Variants in FBXL17 observed in about 807,000 individuals in gnomAD.
FBXL17 encodes F-box/LRR-repeat protein 17.
In FBXL17, 22 loss-of-function variants were observed where a neutral mutation model predicts 66.2. The ratio of observed to expected loss-of-function variants is 0.33; its 90% CI spans 0.24 to 0.47. FBXL17 has a LOEUF of 0.47. Among genes scored for constraint, FBXL17 ranks in the 20% least tolerant of loss-of-function variants. The pLI is 1.00. For synonymous variants in FBXL17, 474 were observed against 400.5 expected, an observed-to-expected ratio of 1.18 and a Z score of -2.19; for missense variants, 878 against 948.2, an observed-to-expected ratio of 0.93 and a Z score of 0.97.
In FBXL17 at chr5:108,198,186, T is replaced by C. The variant is rs574452883; in HGVS notation, c.1615-11939A>G. ...GGTTTACTGCATAGACCTAGAACAC[T>C]CTAAGTCACCTAGGAAGAAACTAAA... On this transcript the variant is annotated intron_variant, in intron 5 of 8. Coordinates refer to ENST00000542267, the MANE Select transcript of FBXL17 (RefSeq NM_001163315.3). Among the ~76,000 whole-genome samples the C allele has an allele frequency of 5.3e-5, 8 of 152,216 alleles. No homozygotes were observed. The South Asian group carries it at 1.0e-3, about 20-fold the overall frequency.
chr5:108,274,284 C>A (rs370831330), intron 4 of FBXL17, among the ~76,000 whole-genome samples: 1 of 151,996 alleles, frequency 6.6e-6, no homozygotes, highest in South Asian at 2.1e-4. Context: ...CGACCACGCC[C>A]GGGGGGGCCA....
At chr5:108,164,370 G>A (rs1752331499) in intron 6 of FBXL17, among the ~76,000 whole-genome samples, 1 of 152,144 alleles carries the variant, frequency 6.6e-6, no homozygotes, top group Non-Finnish European at 1.5e-5. Context: ...CCTATTTCAT[G>A]AATATATCAC....
At chr5:108,279,759 C>T (rs1440161715) in intron 4 of FBXL17, among the ~76,000 whole-genome samples, 3 of 151,014 alleles carry the variant, frequency 2.0e-5, no homozygotes, top group Non-Finnish European at 3.0e-5. Context: ...AATTTACCAA[C>T]GAGATAAATA....
intron 6 of FBXL17, among the ~76,000 whole-genome samples, chr5:108,043,769 A>G (rs748939535): frequency 1.3e-5 from 2 of 152,192 alleles, no homozygotes; most frequent in Non-Finnish European, 2.9e-5. Flanking sequence ...AGATTTTGAT[A>G]GAAATTGCAT....
rs139734162 is a variant in FBXL17 at position 107,926,167 on chromosome 5, A to G, written c.1823-44988T>C. 2.0e-3 allele frequency among the ~76,000 whole-genome samples: 312 copies of G among 152,294 alleles called. 1 individual carries two copies. The highest frequency in any genetic ancestry group is 6.9e-3 in the African/African-American group (285 of 41,572). On this transcript the variant is annotated intron_variant, in intron 7 of 8. Transcript: ENST00000542267. ...CCTAAACATATCAGGCACTCACTAAATATGTTGCATAAATCCAATTTTACA... is the reference window on the plus strand; with the variant it reads ...CCTAAACATATCAGGCACTCACTAAGTATGTTGCATAAATCCAATTTTACA...
chr5:108,249,588 A>G (rs1756256810), intron 4 of FBXL17, among the ~76,000 whole-genome samples: 1 of 152,116 alleles, frequency 6.6e-6, no homozygotes, highest in African/African-American at 2.4e-5. Context: ...AAGGCCATAC[A>G]CTTGTATAAG....
At chr5:108,236,128 T>C (rs1480216617) in intron 4 of FBXL17, among the ~76,000 whole-genome samples, 1 of 152,162 alleles carries the variant, frequency 6.6e-6, no homozygotes, top group Non-Finnish European at 1.5e-5. Context: ...GTAGAATCAC[T>C]TGAGCCCAGA....
At chr5:107,982,116 G>T (rs1330955281) in intron 7 of FBXL17, among the ~76,000 whole-genome samples, 1 of 152,064 alleles carries the variant, frequency 6.6e-6, no homozygotes, top group Non-Finnish European at 1.5e-5. Context: ...TAAAAAAGAG[G>T]CAAAGATGAA....
intron 6 of FBXL17, among the ~76,000 whole-genome samples, chr5:108,108,225 C>A (rs1451117110): frequency 6.6e-6 from 1 of 152,188 alleles, no homozygotes; most frequent in Non-Finnish European, 1.5e-5. Flanking sequence ...ACTTTTCTTA[C>A]CAACTATGTG....
intron 6 of FBXL17, among the ~76,000 whole-genome samples, chr5:108,108,786 G>T (rs158181): frequency 0.66 from 94,648 of 144,048 alleles, 31,867 homozygotes; most frequent in East Asian, 0.92. Flanking sequence ...CTTTGTTTTT[G>T]TTTTTTTTTT....
intron 7 of FBXL17, among the ~76,000 whole-genome samples, chr5:107,910,089 G>A: frequency 6.7e-6 from 1 of 149,304 alleles, no homozygotes; most frequent in East Asian, 2.0e-4. Context: ...AGAATCTCCA[G>A]TGTCATTTGC....
rs941574680 is a variant in FBXL17 at position 108,228,511 on chromosome 5, A to T, written c.1507-4283T>A. ...TTTGTTCATTCTATAATATGGAGAA[A>T]ATTACAGTACCTACCCCACAGGGTA... On this transcript the variant is annotated intron_variant, in intron 4 of 8. Coordinates refer to ENST00000542267, the MANE Select transcript of FBXL17 (RefSeq NM_001163315.3). Among the ~76,000 whole-genome samples, 15 of 152,286 alleles carry T rather than the reference A, an allele frequency of 9.8e-5. No homozygotes were observed. In the East Asian group the frequency reaches 2.9e-3, roughly 29 times the overall value.
chr5:107,928,510 A>C (rs1422694384), intron 7 of FBXL17, among the ~76,000 whole-genome samples: 1 of 152,026 alleles, frequency 6.6e-6, no homozygotes, highest in African/African-American at 2.4e-5. Context: ...TTTTGAAATA[A>C]TATTACATTT....
At chr5:108,251,430 A>AT (rs993168649) in intron 4 of FBXL17, among the ~76,000 whole-genome samples, 2 of 151,930 alleles carry the variant, frequency 1.3e-5, no homozygotes, top group Non-Finnish European at 2.9e-5. Context: ...GTTCCCTTTC[A>AT]TTTTGGGCCT....
intron 7 of FBXL17, among the ~76,000 whole-genome samples, chr5:107,949,789 C>T (rs1254969398): frequency 6.6e-6 from 1 of 152,178 alleles, no homozygotes; most frequent in African/African-American, 2.4e-5. Flanking sequence ...GAAATAGATA[C>T]TCCCATTTTA....
intron 7 of FBXL17, among the ~76,000 whole-genome samples, chr5:107,938,858 T>C (rs966122214): frequency 3.9e-5 from 6 of 152,204 alleles, no homozygotes; most frequent in Admixed American, 3.3e-4. Flanking sequence ...GAAATATTTA[T>C]AATAATTAAA....
intron 8 of FBXL17, among the ~76,000 whole-genome samples, chr5:107,863,379 C>G (rs1748184095): frequency 6.6e-6 from 1 of 151,256 alleles, no homozygotes; most frequent in Non-Finnish European, 1.5e-5. Context: ...GGGATCTTTA[C>G]ACATCCCTGG....
At chr5:107,923,032 T>C (rs1750374504) in intron 7 of FBXL17, among the ~76,000 whole-genome samples, 1 of 152,216 alleles carries the variant, frequency 6.6e-6, no homozygotes, top group South Asian at 2.1e-4. Context: ...AGACTTGTTA[T>C]AGTGGCAAAG....
chr5:108,297,892 T>C, intron 4 of FBXL17: 2 of 940,186 alleles, frequency 2.1e-6, no homozygotes, highest in African/African-American at 3.5e-5. Flanking sequence ...AAACCTAAAA[T>C]ATTCAGCAAA....
Sources: allele counts gnomAD v4.1 joint callset (sites outside exome capture counted in the v4.1 genomes callset), GRCh38; gene constraint gnomAD v4.1.1; transcripts MANE v1.5; gene names NCBI Gene and HGNC (gene_info 2026-07-23, HGNC 2026-07-21).